The following SYNE1 variants were observed in gnomAD, a reference collection of about 807,000 sequenced individuals.
SYNE1 encodes nesprin-1.
SYNE1 carries 616 observed loss-of-function variants against 1,111.0 expected under a neutral mutation model. The observed-to-expected ratio is 0.55, with a 90% CI of 0.52 to 0.59. SYNE1 has a LOEUF of 0.59. Ranked by LOEUF, SYNE1 falls within the 20% of genes least tolerant of loss-of-function variation. SYNE1 has a pLI of 0.00. For missense variants in SYNE1, 10,006 were observed against 10,417.0 expected, an observed-to-expected ratio of 0.96 and a Z score of 1.72; for synonymous variants, 3,855 against 3,825.8, an observed-to-expected ratio of 1.01 and a Z score of -0.28.
intron 69 of SYNE1, among the ~76,000 whole-genome samples, chr6:152,352,601 A>G (rs1182824352): frequency 1.3e-5 from 2 of 152,026 alleles, no homozygotes; most frequent in Non-Finnish European, 2.9e-5. Flanking sequence ...ACAGGGTTTC[A>G]CCATGTGGGT....
chr6:152,354,636 T>A (rs771703671), intron 67 of SYNE1, 23 bp downstream of exon 67: 2 of 1,613,118 alleles, frequency 1.2e-6, no homozygotes, highest in South Asian at 1.1e-5. Flanking sequence ...TTGACAAAGA[T>A]CAGGAATCTA....
intron 5 of SYNE1, among the ~76,000 whole-genome samples, chr6:152,523,046 T>C (rs1484722463): frequency 6.6e-6 from 1 of 151,412 alleles, no homozygotes; most frequent in African/African-American, 2.4e-5. Flanking sequence ...TGCAGAAACT[T>C]TTTAGTTTAA....
intron 22 of SYNE1, chr6:152,456,639 CT>C (rs1564162948): frequency 5.0e-6 from 2 of 403,932 alleles, no homozygotes; most frequent in Non-Finnish European, 9.8e-6. Context: ...TGCTGCACAT[CT>C]GCAGGACAAG....
At chr6:152,143,510 G>C in intron 138 of SYNE1, 113 bp downstream of exon 138, 1 of 1,483,942 alleles carries the variant, frequency 6.7e-7, no homozygotes, top group Non-Finnish European at 9.4e-7. Flanking sequence ...ACGAGTTCAA[G>C]GGCAGCATGG....
At position 152,333,045 on chromosome 6, in the gene SYNE1, C is replaced by T. The variant is rs1010297874; in HGVS notation, c.12794+963G>A. Among the ~76,000 whole-genome samples the T allele has an allele frequency of 2.0e-5, 3 of 152,242 alleles. No homozygotes were observed. In the East Asian group the frequency reaches 5.8e-4, roughly 29 times the overall value. On this transcript the variant is annotated intron_variant, in intron 77 of 145. Coordinates refer to ENST00000367255, the MANE Select transcript of SYNE1 (RefSeq NM_182961.4). ...ACCAGAAAATGGTATACCAAAAAAACCCCAAATCCCCACTATGATTTCATG... is the reference window on the plus strand; with the variant it reads ...ACCAGAAAATGGTATACCAAAAAAATCCCAAATCCCCACTATGATTTCATG...
At chr6:152,395,387 C>T (rs1282981119) in intron 51 of SYNE1, 129 bp downstream of exon 51, 1 of 901,204 alleles carries the variant, frequency 1.1e-6, no homozygotes. Flanking sequence ...GTATTCCAGA[C>T]ATTCAAGGAC....
intron 14 of SYNE1, chr6:152,480,652 T>G: frequency 7.7e-6 from 3 of 390,418 alleles, no homozygotes; most frequent in South Asian, 5.8e-5. Flanking sequence ...CTACTTTAAG[T>G]ACCCATGCCC....
chr6:152,557,995 G>A (rs2128198992), intron 3 of SYNE1, among the ~76,000 whole-genome samples: 1 of 152,170 alleles, frequency 6.6e-6, no homozygotes, highest in African/African-American at 2.4e-5. Context: ...GACAACTAAA[G>A]CTACAACAAT....
intron 92 of SYNE1, 26 bp from the exon 93 acceptor site, chr6:152,300,807 G>A: frequency 6.2e-7 from 1 of 1,614,144 alleles, no homozygotes; most frequent in Non-Finnish European, 8.5e-7. Flanking sequence ...TAGCCCAAAG[G>A]ACATGAAAAT....
At chr6:152,180,648 T>C (rs1232684404) in intron 128 of SYNE1, among the ~76,000 whole-genome samples, 2 of 131,298 alleles carry the variant, frequency 1.5e-5, no homozygotes, top group Non-Finnish European at 3.2e-5. Context: ...GAAAGAGAGA[T>C]GGTAAAGAAG....
chr6:152,299,627 G>A (rs1465630908), intron 93 of SYNE1, among the ~76,000 whole-genome samples: 2 of 151,686 alleles, frequency 1.3e-5, no homozygotes. Flanking sequence ...GAGCTATCCT[G>A]ATTTTTACCA....
chr6:152,172,149 G>A (rs1052422550), intron 130 of SYNE1, among the ~76,000 whole-genome samples: 1 of 152,154 alleles, frequency 6.6e-6, no homozygotes. Flanking sequence ...TAGATTAGTA[G>A]TTTCCCAGGG....
chr6:152,376,975 A>T, intron 56 of SYNE1, 63 bp from the exon 57 acceptor site: 1 of 1,575,834 alleles, frequency 6.3e-7, no homozygotes, highest in Non-Finnish European at 8.7e-7. Flanking sequence ...ATATCTTCAC[A>T]CTATACATGC....
intron 75 of SYNE1, among the ~76,000 whole-genome samples, 191 bp from the exon 76 acceptor site, chr6:152,337,208 T>TAAA (rs938680210): frequency 2.0e-5 from 3 of 152,008 alleles, no homozygotes; most frequent in Non-Finnish European, 2.9e-5. Context: ...AGATTTTTTT[T>TAAA]AAAAAAATGT....
chr6:152,420,873 T>G (rs2154188545), intron 39 of SYNE1, among the ~76,000 whole-genome samples: 1 of 152,326 alleles, frequency 6.6e-6, no homozygotes, highest in Non-Finnish European at 1.5e-5. Flanking sequence ...GAGCAAAATT[T>G]GTAGTATATT....
intron 100 of SYNE1, among the ~76,000 whole-genome samples, 176 bp downstream of exon 100, chr6:152,267,880 C>T (rs947463396): frequency 2.4e-4 from 37 of 152,272 alleles, no homozygotes; most frequent in Middle Eastern, 3.4e-3. Context: ...AGGCGCTATG[C>T]TCAGGCAATG....
Position 152,510,390 on chromosome 6 carries a change from C to A in SYNE1, c.403-19G>T. On this transcript the variant is annotated intron_variant, in intron 7 of 145. Transcript: ENST00000367255. Reference sequence around the variant, plus strand: ...CTTCAATCTGTTTGTGAGTTAACAGCCAGCAAAAATATAAGCATTATCTTT... The same window carrying A: ...CTTCAATCTGTTTGTGAGTTAACAGACAGCAAAAATATAAGCATTATCTTT... The A allele has an allele frequency of 6.2e-7, 1 of 1,612,492 alleles. No homozygotes were observed. Among genetic ancestry groups the A allele is most frequent in the South Asian group, 1.1e-5 (1 of 90,936 alleles).
Position 152,201,901 on chromosome 6 carries a change from G to T in SYNE1, c.23068C>A (p.Arg7690=), listed in dbSNP as rs749432519. The T allele has an allele frequency of 6.2e-7, 1 of 1,613,810 alleles. No homozygotes were observed. The highest frequency in any genetic ancestry group is 2.2e-5 in the East Asian group (1 of 44,898). Residue 7690 remains arginine (R), a synonymous_variant, in exon 127 of 146, where the codon CGA becomes AGA. Coordinates refer to ENST00000367255, the MANE Select transcript of SYNE1 (RefSeq NM_182961.4). ...TGCGAAAGCTTCTTTTTGAAAGTTC[G>T]TAGTTTCTCCAGGGAATCTGCTATT... ...KGIADSLEKL[R]TFKKKLSQSL... is the part of the protein sequence containing the mutation.
intron 51 of SYNE1, among the ~76,000 whole-genome samples, chr6:152,393,114 T>G (rs1273833261): frequency 1.3e-5 from 2 of 152,190 alleles, no homozygotes; most frequent in Non-Finnish European, 2.9e-5. Context: ...GGTCCTGGAA[T>G]ATCAGACTGA....
Sources: allele counts gnomAD v4.1 joint callset (sites outside exome capture counted in the v4.1 genomes callset), GRCh38; gene constraint gnomAD v4.1.1; transcripts MANE v1.5; gene names NCBI Gene and HGNC (gene_info 2026-07-23, HGNC 2026-07-21).